Variants in ASAP2 observed in about 807,000 individuals in gnomAD.
The protein encoded by ASAP2 is arf-GAP with SH3 domain, ANK repeat and PH domain-containing protein 2.
ASAP2 carries 45 observed loss-of-function variants against 131.4 expected under a neutral mutation model. The ratio of observed to expected loss-of-function variants is 0.34; its 90% CI spans 0.27 to 0.44. The LOEUF is 0.44. Ranked by LOEUF, ASAP2 falls within the 20% of genes least tolerant of loss-of-function variation. ASAP2 has a pLI of 1.00. For missense variants in ASAP2, 1,011 were observed against 1,297.0 expected (o/e 0.78, Z 3.39); for synonymous variants, 510 against 503.0 (o/e 1.01, Z -0.19).
At chr2:9,385,440 GA>G in intron 21 of ASAP2, 82 bp downstream of exon 21, 1 of 1,088,900 alleles carries the variant, frequency 9.2e-7, no homozygotes, top group East Asian at 2.4e-5. Flanking sequence ...AATTAAGGCA[GA>G]AAGCTGTTTT....
intron 24 of ASAP2, among the ~76,000 whole-genome samples, chr2:9,397,620 A>G (rs552608515): frequency 1.5e-4 from 22 of 151,016 alleles, no homozygotes; most frequent in East Asian, 5.8e-4. Flanking sequence ...TCAGCAAACT[A>G]TGGCTCACAG....
intron 24 of ASAP2, among the ~76,000 whole-genome samples, chr2:9,397,815 G>A (rs1676288574): frequency 7.7e-6 from 1 of 129,668 alleles, no homozygotes; most frequent in Non-Finnish European, 1.5e-5. Context: ...CTGGAGTGCA[G>A]TGGCTCGATC....
At position 9,405,441 on chromosome 2, in the gene ASAP2, A is replaced by T. The variant is rs1677140157; in HGVS notation, c.*2114A>T. On this transcript the variant is annotated 3_prime_UTR_variant, in exon 28 of 28. Coordinates refer to ENST00000281419, the MANE Select transcript of ASAP2 (RefSeq NM_003887.3). The stretch of plus-strand genomic sequence containing the variant: ...TACACAGACTAAGAGTAACTGTGTG[A>T]TCTGTTAAGGGGTGGATAACATAAT... 1 of 152,646 alleles carries T rather than the reference A, an allele frequency of 6.6e-6. No individual in the cohort carries two copies. The highest frequency in any genetic ancestry group is 1.5e-5 in the Non-Finnish European group (1 of 68,038). The allele number at this position is 152,646 out of a possible 1,614,324, so 9.5% of individuals were successfully genotyped here. A position where few individuals can be genotyped will look rare whatever the true frequency, so the allele number is the denominator to read the frequency against.
In ASAP2 at chr2:9,281,523, A is replaced by G. The variant is rs1048058753; in HGVS notation, c.199+2134A>G. ...ACCACAAACCTCATTCCTATTTCTA[A>G]CCACCCCCAAGCGTCGTTTGCTAAA... On this transcript the variant is annotated intron_variant, in intron 2 of 27. Coordinates refer to ENST00000281419, the MANE Select transcript of ASAP2 (RefSeq NM_003887.3). This position sits in a 1 kb window ranked among gnomAD's most constrained non-coding sequence, Gnocchi z 4.0. Among the ~76,000 whole-genome samples the G allele has an allele frequency of 1.3e-5, 2 of 152,114 alleles. No individual in the cohort carries two copies. The highest frequency in any genetic ancestry group is 3.9e-4 in the East Asian group (2 of 5,190).
At chr2:9,326,245 A>G (rs929292814) in intron 6 of ASAP2, among the ~76,000 whole-genome samples, 12 of 152,128 alleles carry the variant, frequency 7.9e-5, no homozygotes, top group Non-Finnish European at 1.5e-5. Flanking sequence ...CAAACAAACA[A>G]ACATGACTTT....
At chr2:9,208,114 C>T (rs1001923793) in intron 1 of ASAP2, among the ~76,000 whole-genome samples, 1 of 152,168 alleles carries the variant, frequency 6.6e-6, no homozygotes, top group African/African-American at 2.4e-5. Context: ...CACCTGCAGT[C>T]CTCCTTTTCC....
intron 1 of ASAP2, among the ~76,000 whole-genome samples, chr2:9,240,186 T>C (rs532748753): frequency 3.9e-5 from 6 of 151,934 alleles, no homozygotes; most frequent in Admixed American, 3.9e-4. Flanking sequence ...CAGCTAATAT[T>C]GAACTAGTTT....
At chr2:9,323,608 G>T (rs1670293015) in intron 6 of ASAP2, among the ~76,000 whole-genome samples, 1 of 152,176 alleles carries the variant, frequency 6.6e-6, no homozygotes, top group Non-Finnish European at 1.5e-5. Context: ...CTTGTGGGAG[G>T]GTGAGAAGTC....
rs183418377 is a variant in ASAP2 at position 9,208,275 on chromosome 2, G to A, written c.126+1045G>A. On this transcript the variant is annotated intron_variant, in intron 1 of 27. Coordinates refer to ENST00000281419, the MANE Select transcript of ASAP2 (RefSeq NM_003887.3). ...TAAATGTCTCTGGGCCAGGATGTCAGGTTACAGTTTTAAAATTGGGTATTG... is the reference window on the plus strand; with the variant it reads ...TAAATGTCTCTGGGCCAGGATGTCAAGTTACAGTTTTAAAATTGGGTATTG... Among the ~76,000 whole-genome samples, 527 of 135,672 alleles carry A rather than the reference G, an allele frequency of 3.9e-3. 4 individuals are homozygous for A. Among genetic ancestry groups the A allele is most frequent in the African/African-American group, 0.013 (481 of 37,400 alleles). The allele number at this position is 135,672 out of a possible 152,430, so 89.0% of individuals were successfully genotyped here.
At position 9,281,878 on chromosome 2, in the gene ASAP2, G is replaced by A. The variant is rs567864378; in HGVS notation, c.199+2489G>A. 1.3e-5 allele frequency among the ~76,000 whole-genome samples: 2 copies of A among 152,088 alleles called. No individual in the cohort carries two copies. The highest frequency in any genetic ancestry group is 2.9e-5 in the Non-Finnish European group (2 of 68,028). On this transcript the variant is annotated intron_variant, in intron 2 of 27. Transcript: ENST00000281419. The surrounding 1 kb of genome is among the most constrained non-coding windows in gnomAD (Gnocchi z 4.0). The stretch of plus-strand genomic sequence containing the variant: ...TACTGCAGAGCACCAGATGAGTTCC[G>A]AGCTCTTGTGCATTGCCTGGACTCA...
chr2:9,401,907 A>C (rs1191123220), intron 27 of ASAP2, among the ~76,000 whole-genome samples: 1 of 152,174 alleles, frequency 6.6e-6, no homozygotes, highest in Non-Finnish European at 1.5e-5. Context: ...TTTAAGCATT[A>C]GTGGGATCAT....
At position 9,317,822 on chromosome 2, in the gene ASAP2, C is replaced by T. The variant is rs1027816615; in HGVS notation, c.346-702C>T. Among the ~76,000 whole-genome samples the T allele has an allele frequency of 3.5e-4, 51 of 146,070 alleles. 1 individual carries two copies. The highest frequency in any genetic ancestry group is 1.3e-3 in the African/African-American group (51 of 39,940). ...CATTCACACACTCACACAATCACAC[C>T]CTTAGTCCCTTAACATGCTCCCTCA... is the stretch of plus-strand genomic sequence containing the variant. On this transcript the variant is annotated intron_variant, in intron 3 of 27. Coordinates refer to ENST00000281419, the MANE Select transcript of ASAP2 (RefSeq NM_003887.3).
chr2:9,400,946 G>T, intron 26 of ASAP2, 116 bp downstream of exon 26: 1 of 1,086,382 alleles, frequency 9.2e-7, no homozygotes, highest in Admixed American at 2.1e-5. Flanking sequence ...GGCAGGGCGG[G>T]GCTCTTCTTG....
At chr2:9,308,547 AAGGGAAC>A (rs1379947293) in intron 3 of ASAP2, among the ~76,000 whole-genome samples, 2 of 152,090 alleles carry the variant, frequency 1.3e-5, no homozygotes, top group African/African-American at 2.4e-5. Context: ...CTCTGTGTAA[AAGGGAAC>A]AGGAGGGCTT....
At chr2:9,269,653 G>A (rs1666203716) in intron 1 of ASAP2, among the ~76,000 whole-genome samples, 1 of 152,254 alleles carries the variant, frequency 6.6e-6, no homozygotes, top group Non-Finnish European at 1.5e-5. Flanking sequence ...GCCCATGAAC[G>A]GAGGAAGAGA....
intron 16 of ASAP2, among the ~76,000 whole-genome samples, chr2:9,371,029 T>TAA (rs1484307030): frequency 1.3e-5 from 2 of 152,216 alleles, no homozygotes; most frequent in African/African-American, 2.4e-5. Context: ...CAGGGGTACC[T>TAA]AACGAAAGCA....
intron 1 of ASAP2, among the ~76,000 whole-genome samples, chr2:9,278,318 T>TG (rs779386265): frequency 6.6e-6 from 1 of 151,928 alleles, no homozygotes; most frequent in Non-Finnish European, 1.5e-5. Flanking sequence ...TTTGAGACCA[T>TG]CCTGTCTAAC....
intron 18 of ASAP2, 65 bp from the exon 19 acceptor site, chr2:9,378,879 G>T: frequency 8.4e-7 from 1 of 1,194,962 alleles, no homozygotes; most frequent in Non-Finnish European, 1.1e-6. Flanking sequence ...GCTCCCTGCC[G>T]GGCAGTCCCT....
At chr2:9,364,851 G>A (rs1342842893) in intron 15 of ASAP2, among the ~76,000 whole-genome samples, 1 of 152,176 alleles carries the variant, frequency 6.6e-6, no homozygotes, top group Non-Finnish European at 1.5e-5. Context: ...TGTTGTAGGT[G>A]TTCTACGTAC....
Sources: gnomAD v4.1 joint callset for allele counts (sites outside exome capture counted in the v4.1 genomes callset) on GRCh38, gnomAD v4.1.1 for gene constraint, Gnocchi (gnomAD v3.1) non-coding constraint, MANE v1.5 for transcripts, NCBI Gene and HGNC (gene_info 2026-07-23, HGNC 2026-07-21) for gene names.